PCDHGB3: variants seen among roughly 807,000 people sequenced by gnomAD.
The protein encoded by PCDHGB3 is protocadherin gamma-B3.
Under a neutral mutation model 59.2 loss-of-function variants are expected in PCDHGB3, and 40 were observed. The observed-to-expected ratio is 0.68, with a 90% CI of 0.52 to 0.88. The LOEUF is 0.88. PCDHGB3 is among the 40% of genes least tolerant of loss of function. The pLI, the probability that PCDHGB3 is intolerant of heterozygous loss-of-function variation, is 0.00. For missense variants in PCDHGB3, 1,309 were observed against 1,187.9 expected (o/e 1.10, Z -1.50); for synonymous variants, 581 against 503.6 (o/e 1.15, Z -2.06).
Position 141,432,771 on chromosome 5 carries a change from T to G in PCDHGB3, c.2415+59962T>G. The G allele has an allele frequency of 6.2e-7, 1 of 1,614,006 alleles. No homozygotes were observed. The highest frequency in any genetic ancestry group is 8.5e-7 in the Non-Finnish European group (1 of 1,179,966). On this transcript the variant is annotated intron_variant, in intron 1 of 3. Coordinates refer to ENST00000576222, the MANE Select transcript of PCDHGB3 (RefSeq NM_018924.5). This position sits in a 1 kb window ranked among gnomAD's most constrained non-coding sequence, Gnocchi z 6.0. ...GCCGTGGCCGACAGCATCCCCCAAG[T>G]CCTGGCGGACCTCGGCAGCCTCGAG...
At chr5:141,376,382 C>T in intron 1 of PCDHGB3, 2 of 1,614,230 alleles carry the variant, frequency 1.2e-6, no homozygotes, top group Non-Finnish European at 1.7e-6. Flanking sequence ...GCGTAAGAGT[C>T]ATCTGATTTT....
intron 1 of PCDHGB3, among the ~76,000 whole-genome samples, chr5:141,438,587 CATACATATAT>C (rs1422309749): frequency 6.8e-5 from 5 of 73,430 alleles, no homozygotes; most frequent in South Asian, 5.1e-4. Context: ...TACATACATA[CATACATATAT>C]ATATATATAT....
At chr5:141,400,802 A>C in intron 1 of PCDHGB3, 1 of 557,534 alleles carries the variant, frequency 1.8e-6, no homozygotes, top group Non-Finnish European at 3.1e-6. Context: ...TCTCAAAGCT[A>C]ATGAATTTTA....
chr5:141,386,612 T>C (rs2090642858), intron 1 of PCDHGB3, among the ~76,000 whole-genome samples: 1 of 152,012 alleles, frequency 6.6e-6, no homozygotes, highest in South Asian at 2.1e-4. Context: ...TTTTTTGACA[T>C]GGAGTCTCGC....
At chr5:141,433,020 C>G (rs761127608) in intron 1 of PCDHGB3, 5 of 1,614,152 alleles carry the variant, frequency 3.1e-6, no homozygotes, top group East Asian at 2.2e-5. Flanking sequence ...CAGACCTATT[C>G]CCACGAGGTT....
chr5:141,506,294 C>T (rs1165174121), intron 3 of PCDHGB3, among the ~76,000 whole-genome samples: 1 of 151,888 alleles, frequency 6.6e-6, no homozygotes, highest in African/African-American at 2.4e-5. Context: ...ACTAAAAATA[C>T]AAAAATTAGC....
At position 141,477,379 on chromosome 5, in the gene PCDHGB3, A is replaced by T; in HGVS notation, c.2416-17428A>T. Reference sequence around the variant, plus strand: ...CAGACCTGGATCGGGAGACTGTGCCAGAATACAACCTCAGCATCACCGCCC... The same window carrying T: ...CAGACCTGGATCGGGAGACTGTGCCTGAATACAACCTCAGCATCACCGCCC... On this transcript the variant is annotated intron_variant, in intron 1 of 3. Transcript: ENST00000576222. The surrounding 1 kb of genome is among the most constrained non-coding windows in gnomAD (Gnocchi z 4.9). 1.2e-6 allele frequency: 2 copies of T among 1,614,184 alleles called. No individual in the cohort carries two copies. The highest frequency in any genetic ancestry group is 1.7e-6 in the Non-Finnish European group (2 of 1,180,034).
intron 1 of PCDHGB3, chr5:141,382,931 G>A (rs1415161617): frequency 6.3e-7 from 1 of 1,584,178 alleles, no homozygotes; most frequent in Non-Finnish European, 8.6e-7. Context: ...GGGGACTACA[G>A]AGGATTCTTC....
chr5:141,417,699 C>G, intron 1 of PCDHGB3: 1 of 1,164,548 alleles, frequency 8.6e-7, no homozygotes. Context: ...AACCAGCTCC[C>G]ACACAGAGGC....
chr5:141,421,861 C>T, intron 1 of PCDHGB3: 2 of 1,613,738 alleles, frequency 1.2e-6, no homozygotes, highest in South Asian at 2.2e-5. Flanking sequence ...TCACCTGCTC[C>T]TCCTCACAGC....
At chr5:141,453,087 T>G (rs2098755775) in intron 1 of PCDHGB3, among the ~76,000 whole-genome samples, 1 of 152,150 alleles carries the variant, frequency 6.6e-6, no homozygotes, top group Non-Finnish European at 1.5e-5. Context: ...TTGATTAGTA[T>G]ATTTTCTGTT....
chr5:141,441,813 A>T, intron 1 of PCDHGB3: 1 of 365,242 alleles, frequency 2.7e-6, no homozygotes, highest in South Asian at 2.3e-5. Context: ...GCTGTACCCC[A>T]GCTCTGGAGC....
chr5:141,420,111 C>T (rs747723647), intron 1 of PCDHGB3: 1 of 1,613,966 alleles, frequency 6.2e-7, no homozygotes, highest in African/African-American at 1.3e-5. Flanking sequence ...TTGCCCTATG[C>T]CTATAATTTT....
chr5:141,370,272 A>T lies in PCDHGB3; in HGVS notation c.-123A>T, dbSNP rs1331315673. ...CTCTATCAGGCTTCCTGCAGCGGAG[A>T]CACCCATTAGAGAACCCAAGCACAA... On this transcript the variant is annotated 5_prime_UTR_variant, in exon 1 of 4. Transcript: ENST00000576222. 1 of 794,344 alleles carries T rather than the reference A, an allele frequency of 1.3e-6. No individual in the cohort carries two copies. The highest frequency in any genetic ancestry group is 1.9e-6 in the Non-Finnish European group (1 of 515,552). The allele number at this position is 794,344 out of a possible 1,614,324, so 49.2% of individuals were successfully genotyped here. A position where few individuals can be genotyped will look rare whatever the true frequency, so the allele number is the denominator to read the frequency against.
intron 1 of PCDHGB3, chr5:141,377,873 T>C (rs1304157749): frequency 6.6e-6 from 1 of 152,196 alleles, no homozygotes; most frequent in Admixed American, 6.5e-5. Context: ...AGACTTCTCT[T>C]ATCAGAGATA....
intron 1 of PCDHGB3, among the ~76,000 whole-genome samples, chr5:141,450,335 T>A (rs1054670037): frequency 1.3e-5 from 2 of 152,158 alleles, no homozygotes; most frequent in African/African-American, 4.8e-5. Context: ...CTCTTTAATC[T>A]ACTTTAATCT....
At chr5:141,418,171 G>A (rs2096234086) in intron 1 of PCDHGB3, 1 of 1,613,952 alleles carries the variant, frequency 6.2e-7, no homozygotes, top group African/African-American at 1.3e-5. Flanking sequence ...GATGTGAGTT[G>A]CAATTGGAAG....
Position 141,376,767 on chromosome 5 carries a change from A to G in PCDHGB3, c.2415+3958A>G. The G allele has an allele frequency of 7.0e-6, 3 of 425,754 alleles. No individual in the cohort carries two copies. The South Asian group carries it at 8.7e-5, about 12-fold the overall frequency. 26.4% of individuals were successfully genotyped at this position (425,754 alleles called of 1,614,324 possible). On this transcript the variant is annotated intron_variant, in intron 1 of 3. Coordinates refer to ENST00000576222, the MANE Select transcript of PCDHGB3 (RefSeq NM_018924.5). The stretch of plus-strand genomic sequence containing the variant: ...AGTGGCGCAATCTCGGCTCACTGCA[A>G]GCTCCGCTTCCCGGGTTCACGCCAT...
chr5:141,398,528 C>T (rs1355149152), intron 1 of PCDHGB3: 2 of 1,613,386 alleles, frequency 1.2e-6, no homozygotes, highest in Non-Finnish European at 1.7e-6. Flanking sequence ...CCAAAATTCA[C>T]GCAAAATTCC....
Sources: gnomAD v4.1 joint callset for allele counts (sites outside exome capture counted in the v4.1 genomes callset) on GRCh38, gnomAD v4.1.1 for gene constraint, Gnocchi (gnomAD v3.1) non-coding constraint, MANE v1.5 for transcripts, NCBI Gene and HGNC (gene_info 2026-07-23, HGNC 2026-07-21) for gene names.